Variants in TMCC2 observed in about 807,000 individuals in gnomAD.
The protein encoded by TMCC2 is transmembrane and coiled-coil domains protein 2.
A neutral mutation model predicts 49.4 loss-of-function variants in TMCC2; 16 were observed. That is an observed-to-expected ratio of 0.32 (90% CI 0.22 to 0.49). The LOEUF is 0.49. TMCC2 is among the 20% of genes least tolerant of loss of function. TMCC2 has a pLI of 0.99. For missense variants in TMCC2, 762 were observed against 989.8 expected (o/e 0.77, Z 3.09); for synonymous variants, 397 against 434.1 (o/e 0.91, Z 1.06).
chr1:205,228,350 G>A lies in TMCC2; in HGVS notation c.-215G>A. The A allele has an allele frequency of 2.0e-6, 1 of 490,412 alleles. No homozygotes were observed. Among genetic ancestry groups the A allele is most frequent in the Non-Finnish European group, 3.7e-6 (1 of 272,848 alleles). 30.4% of individuals were successfully genotyped at this position (490,412 alleles called of 1,614,324 possible). ...CTGTCTTCGCTCCCCAGGTCGAAAT[G>A]AACTATTCCAAGCTATAACCAAGGC... On this transcript the variant is annotated 5_prime_UTR_variant, in exon 1 of 5. The change abolishes an upstream ATG in the 5' untranslated region. Coordinates refer to ENST00000358024, the MANE Select transcript of TMCC2 (RefSeq NM_014858.4).
Position 205,241,803 on chromosome 1 carries a change from G to A in TMCC2, c.506G>A (p.Ser169Asn), listed in dbSNP as rs769257479. The change falls in exon 2 of 5, where the codon AGC (serine) becomes AAC (asparagine). Residue 169 changes from serine to asparagine, a missense_variant. Coordinates refer to ENST00000358024, the MANE Select transcript of TMCC2 (RefSeq NM_014858.4). This position sits in a 1 kb window ranked among gnomAD's most constrained non-coding sequence, Gnocchi z 7.3. ...PSIKRGASLH[S>N]SSGGGSSGSS... ...ATCAAGCGGGGCGCCAGCCTGCACA[G>A]CAGCAGTGGGGGCGGCAGCAGCGGG... 5.7e-5 allele frequency: 92 copies of A among 1,606,944 alleles called. No individual in the cohort carries two copies. Among genetic ancestry groups the A allele is most frequent in the Non-Finnish European group, 7.5e-5 (88 of 1,177,660 alleles).
chr1:205,255,524 C>A (rs918446682), intron 2 of TMCC2, among the ~76,000 whole-genome samples: 7 of 152,090 alleles, frequency 4.6e-5, no homozygotes, highest in African/African-American at 1.7e-4. Context: ...CAATGCATTC[C>A]AGCCTGGTGA....
chr1:205,231,158 G>A (rs1030149156), intron 1 of TMCC2, among the ~76,000 whole-genome samples: 3 of 151,888 alleles, frequency 2.0e-5, no homozygotes, highest in Non-Finnish European at 2.9e-5. Context: ...GTTTACTACC[G>A]GGTGCAAGGG....
Position 205,269,374 on chromosome 1 carries a change from T to C in TMCC2, c.1172T>C (p.Val391Ala), listed in dbSNP as rs763654945. The change falls in exon 3 of 5, where the codon GTG (valine) becomes GCG (alanine). Residue 391 changes from valine (V) to alanine (A), a missense_variant. Val to Ala is a moderately conservative substitution (Grantham distance 64). Coordinates refer to ENST00000358024, the MANE Select transcript of TMCC2 (RefSeq NM_014858.4). ...QQGLKDVGAN[V>A]RAGISGFGGG... ...GGGCTGAAGGACGTGGGCGCCAACG[T>C]GCGCGCAGGCATCAGCGGCTTTGGG... 9 of 1,611,174 alleles carry C rather than the reference T, an allele frequency of 5.6e-6. No individual in the cohort carries two copies. Among genetic ancestry groups the C allele is most frequent in the Middle Eastern group, 1.6e-4 (1 of 6,078 alleles).
At chr1:205,235,745 A>T (rs1212138186) in intron 1 of TMCC2, among the ~76,000 whole-genome samples, 1 of 152,164 alleles carries the variant, frequency 6.6e-6, no homozygotes, top group Non-Finnish European at 1.5e-5. Flanking sequence ...CTGTTGGGGG[A>T]TAACAGGTAT....
At chr1:205,245,773 T>TA (rs2102554096) in intron 2 of TMCC2, among the ~76,000 whole-genome samples, 1 of 152,204 alleles carries the variant, frequency 6.6e-6, no homozygotes, top group East Asian at 1.9e-4. Context: ...TCCTGTGAGA[T>TA]AGCTAAGCCA....
At chr1:205,232,457 C>T (rs1240473822) in intron 1 of TMCC2, among the ~76,000 whole-genome samples, 1 of 152,176 alleles carries the variant, frequency 6.6e-6, no homozygotes, top group Non-Finnish European at 1.5e-5. Flanking sequence ...CAGCCTTTTG[C>T]TGCTAACAGA....
rs752914874 is a variant in TMCC2 at position 205,271,102 on chromosome 1, T to A, written c.1683-18T>A. 2 of 1,611,424 alleles carry A rather than the reference T, an allele frequency of 1.2e-6. No individual in the cohort carries two copies. Among genetic ancestry groups the A allele is most frequent in the Non-Finnish European group, 1.7e-6 (2 of 1,179,580 alleles). On this transcript the variant is annotated intron_variant, in intron 3 of 4. Coordinates refer to ENST00000358024, the MANE Select transcript of TMCC2 (RefSeq NM_014858.4). ...CTCGGGGAGCCAGGACTGGTGTCAC[T>A]CTCTCTCCCTCCGCCAGGTACGAGC...
intron 2 of TMCC2, among the ~76,000 whole-genome samples, chr1:205,259,612 C>T (rs1661022414): frequency 6.6e-6 from 1 of 152,212 alleles, no homozygotes; most frequent in African/African-American, 2.4e-5. Flanking sequence ...GGGATCCAGG[C>T]TGCTGGGCTA....
At chr1:205,249,079 G>A (rs894942261) in intron 2 of TMCC2, among the ~76,000 whole-genome samples, 1 of 152,184 alleles carries the variant, frequency 6.6e-6, no homozygotes, top group African/African-American at 2.4e-5. Flanking sequence ...AGAGCAGGCA[G>A]GAAGGAAGAG....
intron 2 of TMCC2, among the ~76,000 whole-genome samples, chr1:205,266,158 G>A (rs959779473): frequency 6.7e-5 from 10 of 150,146 alleles, no homozygotes; most frequent in Non-Finnish European, 7.4e-5. Flanking sequence ...GGAGAATGGC[G>A]TGAACCCCGG....
At chr1:205,256,218 A>T in intron 2 of TMCC2, 1 of 1,491,310 alleles carries the variant, frequency 6.7e-7, no homozygotes, top group Non-Finnish European at 8.9e-7. Flanking sequence ...TGCAGAATCC[A>T]TGTCTTTCTG....
intron 2 of TMCC2, among the ~76,000 whole-genome samples, chr1:205,255,253 G>A (rs1574853148): frequency 6.6e-6 from 1 of 151,672 alleles, no homozygotes; most frequent in Non-Finnish European, 1.5e-5. Context: ...AGCCTGGAGC[G>A]GGCAGAGAAG....
rs1213880834 is a variant in TMCC2, at chr1:205,272,160, C to T, written c.*36C>T. 1 of 1,595,796 alleles carries T rather than the reference C, an allele frequency of 6.3e-7. No individual in the cohort carries two copies. The highest frequency in any genetic ancestry group is 1.1e-5 in the South Asian group (1 of 89,812). ...ACACCAACCCTGTGCTCTCTGGCCC[C>T]CAGCTGGCCACACTTCTCCAGGAGG... is the stretch of plus-strand genomic sequence containing the variant. On this transcript the variant is annotated 3_prime_UTR_variant, in exon 5 of 5. Transcript: ENST00000358024.
At chr1:205,250,887 G>A (rs1235036010) in intron 2 of TMCC2, among the ~76,000 whole-genome samples, 18 of 152,154 alleles carry the variant, frequency 1.2e-4, no homozygotes, top group Admixed American at 1.1e-3. Flanking sequence ...GGTTCCAGAC[G>A]GCAAGGAGCC....
At chr1:205,260,575 G>T (rs1256143417) in intron 2 of TMCC2, among the ~76,000 whole-genome samples, 1 of 152,170 alleles carries the variant, frequency 6.6e-6, no homozygotes, top group Non-Finnish European at 1.5e-5. Flanking sequence ...GGAGGACCCT[G>T]GCCTTCCACA....
At chr1:205,257,346 C>T (rs1660918875) in intron 2 of TMCC2, 6 of 1,232,152 alleles carry the variant, frequency 4.9e-6, no homozygotes, top group African/African-American at 1.6e-5. Flanking sequence ...GGCACGGCTT[C>T]GGGAAACAGT....
chr1:205,230,274 T>C, intron 1 of TMCC2: 1 of 712,126 alleles, frequency 1.4e-6, no homozygotes, highest in Non-Finnish European at 1.7e-6. Flanking sequence ...TTTTAAACTT[T>C]GCAGTAATTA....
chr1:205,262,550 A>G (rs1661159152), intron 2 of TMCC2, among the ~76,000 whole-genome samples: 2 of 152,128 alleles, frequency 1.3e-5, no homozygotes, highest in Admixed American at 1.3e-4. Context: ...GAGGGGAAGG[A>G]TGGGGGGATG....
Sources: allele counts gnomAD v4.1 joint callset (sites outside exome capture counted in the v4.1 genomes callset), GRCh38; gene constraint gnomAD v4.1.1; non-coding constraint Gnocchi (gnomAD v3.1); transcripts MANE v1.5; gene names NCBI Gene and HGNC (gene_info 2026-07-23, HGNC 2026-07-21).